The following EXOC4 variants were observed in gnomAD, a reference collection of about 807,000 sequenced individuals.
EXOC4 encodes SEC8-like 1.
In EXOC4, 71 loss-of-function variants were observed where a neutral mutation model predicts 107.2. The ratio of observed to expected loss-of-function variants is 0.66; its 90% CI spans 0.55 to 0.81. The LOEUF is 0.81. Ranked by LOEUF, EXOC4 falls within the 30% of genes least tolerant of loss-of-function variation. EXOC4 has a pLI of 0.00. For synonymous variants in EXOC4, 456 were observed against 441.2 expected (o/e 1.03, Z -0.42); for missense variants, 1,108 against 1,189.6 (o/e 0.93, Z 1.01).
intron 10 of EXOC4, among the ~76,000 whole-genome samples, chr7:133,794,590 C>T (rs905557283): frequency 6.6e-6 from 1 of 152,206 alleles, no homozygotes; most frequent in African/African-American, 2.4e-5. Context: ...GCACTACCCT[C>T]AGTTCAATTT....
intron 1 of EXOC4, among the ~76,000 whole-genome samples, chr7:133,269,390 A>G (rs1185472245): frequency 6.6e-6 from 1 of 152,190 alleles, no homozygotes; most frequent in Non-Finnish European, 1.5e-5. Context: ...TGTATATTTT[A>G]CTTTACCTCT....
chr7:133,433,206 T>A (rs2059375), intron 7 of EXOC4, among the ~76,000 whole-genome samples: 2 of 152,002 alleles, frequency 1.3e-5, no homozygotes, highest in African/African-American at 4.8e-5. Flanking sequence ...ATGTGGTAGG[T>A]TGGATTATTG....
At chr7:133,455,832 CAAAAGT>C (rs1050497561) in intron 7 of EXOC4, among the ~76,000 whole-genome samples, 2 of 152,158 alleles carry the variant, frequency 1.3e-5, no homozygotes, top group Non-Finnish European at 2.9e-5. Flanking sequence ...TTTCAAACAT[CAAAAGT>C]AACAGAACTT....
At chr7:133,436,092 G>T (rs1797967720) in intron 7 of EXOC4, among the ~76,000 whole-genome samples, 3 of 143,922 alleles carry the variant, frequency 2.1e-5, no homozygotes, top group East Asian at 2.1e-4. Flanking sequence ...ATTTGCTCTT[G>T]CTATTCATTT....
the EXOC4 span, among the ~76,000 whole-genome samples, chr7:134,077,816 G>C: frequency 1.3e-5 from 2 of 152,250 alleles, no homozygotes; most frequent in African/African-American, 4.8e-5. Context: ...GGCAGCTGTA[G>C]TTCAGGCCTA....
At chr7:133,716,222 G>A (rs1428711025) in intron 10 of EXOC4, among the ~76,000 whole-genome samples, 4 of 152,180 alleles carry the variant, frequency 2.6e-5, no homozygotes, top group African/African-American at 9.7e-5. Flanking sequence ...AATGTGCAGG[G>A]CACTACAGAG....
At chr7:133,266,605 G>GT (rs1477266964) in intron 1 of EXOC4, among the ~76,000 whole-genome samples, 1 of 152,158 alleles carries the variant, frequency 6.6e-6, no homozygotes, top group Non-Finnish European at 1.5e-5. Flanking sequence ...ATTTAGTCCT[G>GT]TAAGTTCCTG....
intron 10 of EXOC4, among the ~76,000 whole-genome samples, chr7:133,642,546 A>G (rs186150188): frequency 1.4e-4 from 22 of 152,200 alleles, no homozygotes; most frequent in African/African-American, 4.6e-4. Flanking sequence ...TGCTTTATAA[A>G]TATGTCTCAA....
intron 4 of EXOC4, among the ~76,000 whole-genome samples, chr7:133,309,350 G>A (rs1794819837): frequency 6.6e-6 from 1 of 152,158 alleles, no homozygotes; most frequent in Non-Finnish European, 1.5e-5. Context: ...AAAGTTGAAT[G>A]GAGAAGAGTT....
At chr7:133,419,814 C>A (rs1797560295) in intron 7 of EXOC4, among the ~76,000 whole-genome samples, 1 of 152,108 alleles carries the variant, frequency 6.6e-6, no homozygotes, top group East Asian at 1.9e-4. Context: ...TAAAATAGCA[C>A]ACACTTATTA....
intron 11 of EXOC4, among the ~76,000 whole-genome samples, chr7:133,839,711 A>G (rs1396676891): frequency 6.6e-6 from 1 of 152,244 alleles, no homozygotes; most frequent in Non-Finnish European, 1.5e-5. Context: ...ATTAAAATCC[A>G]GAACCTCAGA....
At chr7:133,826,386 G>A (rs1195379576) in intron 11 of EXOC4, among the ~76,000 whole-genome samples, 1 of 152,098 alleles carries the variant, frequency 6.6e-6, no homozygotes, top group Non-Finnish European at 1.5e-5. Context: ...GGTGAGGTGG[G>A]AAATGCATAT....
chr7:133,424,892 A>T (rs1797689628), intron 7 of EXOC4, among the ~76,000 whole-genome samples: 1 of 152,204 alleles, frequency 6.6e-6, no homozygotes, highest in Admixed American at 6.5e-5. Flanking sequence ...AATTCTCTGG[A>T]GGCAAAGCCT....
chr7:133,488,207 T>C (rs1198844920), intron 9 of EXOC4, among the ~76,000 whole-genome samples: 1 of 152,224 alleles, frequency 6.6e-6, no homozygotes, highest in Non-Finnish European at 1.5e-5. Flanking sequence ...AAGAAATTTA[T>C]GTAAACATGC....
chr7:133,698,420 A>G (rs1170983054), intron 10 of EXOC4, among the ~76,000 whole-genome samples: 1 of 151,978 alleles, frequency 6.6e-6, no homozygotes. Flanking sequence ...TGTCTCTACA[A>G]AAGACACAAA....
At chr7:133,753,224 G>C (rs1273165261) in intron 10 of EXOC4, among the ~76,000 whole-genome samples, 1 of 152,186 alleles carries the variant, frequency 6.6e-6, no homozygotes, top group African/African-American at 2.4e-5. Flanking sequence ...GAATAGGAAT[G>C]GGAAGAAGCT....
chr7:133,919,592 A>T (rs548474476), intron 13 of EXOC4, among the ~76,000 whole-genome samples: 132 of 152,190 alleles, frequency 8.7e-4, no homozygotes, highest in African/African-American at 3.1e-3. Flanking sequence ...TTGTCTCCAT[A>T]GTTTCGTCTT....
chr7:133,273,805 C>T (rs562895039), intron 1 of EXOC4, among the ~76,000 whole-genome samples: 193 of 152,226 alleles, frequency 1.3e-3, no homozygotes, highest in African/African-American at 4.5e-3. Flanking sequence ...TCTCTGAAAG[C>T]AGTTCTAATG....
chr7:133,352,455 A>G (rs1489855573), intron 5 of EXOC4, among the ~76,000 whole-genome samples: 2 of 151,460 alleles, frequency 1.3e-5, no homozygotes, highest in African/African-American at 4.9e-5. Context: ...TTTAAAGTCT[A>G]TTTTTTCTGC....
Sources: gnomAD v4.1 joint callset for allele counts (sites outside exome capture counted in the v4.1 genomes callset) on GRCh38, gnomAD v4.1.1 for gene constraint, MANE v1.5 for transcripts, NCBI Gene and HGNC (gene_info 2026-07-23, HGNC 2026-07-21) for gene names.